The following STT3A variants were observed in gnomAD, a reference collection of about 807,000 sequenced individuals.
The protein encoded by STT3A is STT3 oligosaccharyltransferase complex catalytic subunit A, also known as dolichyl-diphosphooligosaccharide--protein glycosyltransferase subunit STT3A.
In STT3A, 34 loss-of-function variants were observed where a neutral mutation model predicts 89.2. The observed-to-expected ratio is 0.38, with a 90% confidence interval of 0.29 to 0.51. The LOEUF (loss-of-function observed/expected upper bound fraction) is 0.51. Ranked by LOEUF, STT3A falls within the 20% of genes least tolerant of loss-of-function variation. STT3A has a pLI of 0.89. For missense variants in STT3A, 555 were observed against 889.5 expected, an observed-to-expected ratio of 0.62 and a Z score of 4.78; for synonymous variants, 282 against 310.3, an observed-to-expected ratio of 0.91 and a Z score of 0.96.
chr11:125,615,533 A>G (rs748182152), intron 15 of STT3A, among the ~76,000 whole-genome samples: 3 of 151,854 alleles, frequency 2.0e-5, no homozygotes, highest in Non-Finnish European at 4.4e-5. Context: ...CAAATAAAAA[A>G]TACAGTATAA....
chr11:125,618,288 T>C (rs1414932008), intron 15 of STT3A, 85 bp from the exon 16 acceptor site: 1 of 1,282,502 alleles, frequency 7.8e-7, no homozygotes, highest in Non-Finnish European at 1.1e-6. Context: ...TAAAAAAATG[T>C]TGAGGAATTT....
intron 8 of STT3A, among the ~76,000 whole-genome samples, chr11:125,607,115 G>A (rs944473391): frequency 2.0e-5 from 3 of 152,120 alleles, no homozygotes; most frequent in Non-Finnish European, 2.9e-5. Flanking sequence ...CAAGCATTCT[G>A]TTTTTCACTT....
chr11:125,600,239 A>G (rs543274008), intron 3 of STT3A, among the ~76,000 whole-genome samples: 4 of 151,914 alleles, frequency 2.6e-5, no homozygotes, highest in African/African-American at 7.2e-5. Flanking sequence ...TAGTAGAGAC[A>G]GGGTTTCTCC....
At chr11:125,596,024 C>A in intron 2 of STT3A, 21 bp downstream of exon 2, 1 of 1,558,750 alleles carries the variant, frequency 6.4e-7, no homozygotes, top group South Asian at 1.2e-5. Flanking sequence ...ATGTGAACCT[C>A]TCTTTCTTTG....
chr11:125,613,550 A>G lies in STT3A; in HGVS notation c.1554+373A>G, dbSNP rs1940087570. ...TCTTGTGTAAAGTGATCACCTTATG[A>G]TAACTGCTTTTAACATTTTAATTTA... On this transcript the variant is annotated intron_variant, in intron 13 of 17. Coordinates refer to ENST00000392708, the MANE Select transcript of STT3A (RefSeq NM_152713.5). This position sits in a 1 kb window ranked among gnomAD's most constrained non-coding sequence, Gnocchi z 4.2. 2 of 177,912 alleles carry G rather than the reference A, an allele frequency of 1.1e-5. No individual in the cohort carries two copies. Among genetic ancestry groups the G allele is most frequent in the Non-Finnish European group, 2.4e-5 (2 of 84,220 alleles). The allele number at this position is 177,912 out of a possible 1,614,324, so 11.0% of individuals were successfully genotyped here.
At chr11:125,595,067 A>T (rs1040543725) in intron 1 of STT3A, 3 of 152,118 alleles carry the variant, frequency 2.0e-5, no homozygotes, top group African/African-American at 7.2e-5. Flanking sequence ...AAAAGAAAAA[A>T]GTTTATAGCC....
In STT3A at chr11:125,609,505, A is replaced by G. The variant is rs1406086856; in HGVS notation, c.1033A>G (p.Ile345Val). The change falls in exon 10 of 18, where the codon ATC (isoleucine) becomes GTC (valine). Residue 345 changes from isoleucine to valine, a missense_variant. Physicochemically the swap from Ile to Val is conservative, Grantham distance 29. Transcript: ENST00000392708. ...CTCTTATGCTAAGAACAACATCCCC[A>G]TCATTGCTTCTGTGTCTGAGCATCA... ...DPSYAKNNIP[I>V]IASVSEHQPT... The G allele has an allele frequency of 1.2e-6, 2 of 1,614,060 alleles. No homozygotes were observed. Among genetic ancestry groups the G allele is most frequent in the African/African-American group, 2.7e-5 (2 of 74,918 alleles).
In STT3A at chr11:125,620,790, C is replaced by T. The variant is rs1407515120; in HGVS notation, c.2098C>T (p.Arg700Ter). 2.5e-6 allele frequency: 4 copies of T among 1,613,212 alleles called. No homozygotes were observed. Among genetic ancestry groups the T allele is most frequent in the African/African-American group, 1.3e-5 (1 of 74,672 alleles). ...RIYKVKDLDN[R>*]GLSRT ...GTTGCAGGTAAAGGACCTGGATAAT[C>T]GAGGCTTGTCAAGGACATAAATGTC... The change falls in exon 18 of 18, where the codon CGA becomes TGA. Residue 700 changes from arginine to a stop codon, truncating the protein, a stop_gained. Coordinates refer to ENST00000392708, the MANE Select transcript of STT3A (RefSeq NM_152713.5). LOFTEE classifies it high-confidence loss of function.
intron 10 of STT3A, chr11:125,609,868 G>A: frequency 2.7e-6 from 1 of 375,400 alleles, no homozygotes; most frequent in Non-Finnish European, 4.8e-6. Flanking sequence ...GTTTTGTTTT[G>A]TTTTGTTTGA....
At chr11:125,616,447 A>C (rs1940184870) in intron 15 of STT3A, among the ~76,000 whole-genome samples, 1 of 152,176 alleles carries the variant, frequency 6.6e-6, no homozygotes, top group South Asian at 2.1e-4. Context: ...AGGTTTGTTG[A>C]ATTTATGGAT....
At chr11:125,617,440 T>A (rs1940209347) in intron 15 of STT3A, among the ~76,000 whole-genome samples, 2 of 152,216 alleles carry the variant, frequency 1.3e-5, no homozygotes, top group South Asian at 4.1e-4. Flanking sequence ...CACCGTGATA[T>A]CCCCTCGAAC....
At chr11:125,620,685 G>T in intron 17 of STT3A, 87 bp from the exon 18 acceptor site, 1 of 1,286,616 alleles carries the variant, frequency 7.8e-7, no homozygotes, top group Non-Finnish European at 1.1e-6. Flanking sequence ...ACATAATCCT[G>T]CCCACTCTGG....
In STT3A at chr11:125,614,113, T is replaced by C; in HGVS notation, c.1581T>C (p.Asp527=). The change falls in exon 14 of 18, where the codon GAT becomes GAC. Residue 527 remains aspartate (D), a synonymous_variant. Coordinates refer to ENST00000392708, the MANE Select transcript of STT3A (RefSeq NM_152713.5). The surrounding 1 kb of genome is among the most constrained non-coding windows in gnomAD (Gnocchi z 4.9). The part of the protein sequence containing the change: ...PEDAKVMSWW[D]YGYQITAMAN... ...ATGCGAAGGTCATGTCCTGGTGGGA[T>C]TATGGCTATCAGATTACAGCTATGG... is the stretch of plus-strand genomic sequence containing the variant. The C allele has an allele frequency of 6.2e-7, 1 of 1,614,150 alleles. No individual in the cohort carries two copies. The highest frequency in any genetic ancestry group is 2.2e-5 in the East Asian group (1 of 44,888).
At chr11:125,592,840 C>T (rs574105089), upstream of STT3A, 1 of 183,972 alleles carries the variant, frequency 5.4e-6, no homozygotes, top group Admixed American at 6.0e-5. Context: ...GGAGGCGGAC[C>T]CGGCTCCTGC....
intron 3 of STT3A, among the ~76,000 whole-genome samples, chr11:125,597,834 T>G (rs1939540532): frequency 6.6e-6 from 1 of 152,240 alleles, no homozygotes; most frequent in African/African-American, 2.4e-5. Flanking sequence ...AAGCATTCAT[T>G]TTGTTCCAAG....
At chr11:125,604,132 T>C (rs1240810327) in intron 5 of STT3A, 25 bp from the exon 6 acceptor site, 1 of 1,611,972 alleles carries the variant, frequency 6.2e-7, no homozygotes, top group East Asian at 2.2e-5. Context: ...GGTGTTAATG[T>C]CTTATTACCC....
Position 125,597,005 on chromosome 11 carries a change from G to A in STT3A, c.89-54G>A. 9 of 1,566,168 alleles carry A rather than the reference G, an allele frequency of 5.7e-6. No homozygotes were observed. The South Asian group carries it at 1.0e-4, about 17-fold the overall frequency. On this transcript the variant is annotated intron_variant, in intron 2 of 17. Transcript: ENST00000392708. ...CTGTCTTCATTATAATACTATATCT[G>A]CTGTTCTTTCATGGCACATTACCAA...
At chr11:125,606,271 G>A in intron 7 of STT3A, 30 bp from the exon 8 acceptor site, 10 of 1,603,620 alleles carry the variant, frequency 6.2e-6, no homozygotes, top group Non-Finnish European at 8.5e-6. Flanking sequence ...GGCATACTCA[G>A]AGGAACTGTT....
intron 17 of STT3A, 74 bp downstream of exon 17, chr11:125,620,200 C>A (rs1940308995): frequency 8.4e-7 from 1 of 1,189,508 alleles, no homozygotes; most frequent in Admixed American, 2.3e-5. Context: ...TAAAATGGGA[C>A]ATATATTTCT....
Sources: allele counts gnomAD v4.1 joint callset (sites outside exome capture counted in the v4.1 genomes callset), GRCh38; gene constraint gnomAD v4.1.1; non-coding constraint Gnocchi (gnomAD v3.1); transcripts MANE v1.5; gene names NCBI Gene and HGNC (gene_info 2026-07-23, HGNC 2026-07-21).